CSMD1: variants seen among roughly 807,000 people sequenced by gnomAD.
CSMD1 encodes CUB and Sushi multiple domains 1.
A neutral mutation model predicts 417.5 loss-of-function variants in CSMD1; 213 were observed. The ratio of observed to expected loss-of-function variants is 0.51; its 90% CI spans 0.46 to 0.57. The LOEUF (loss-of-function observed/expected upper bound fraction) is 0.57. CSMD1 is among the 20% of genes least tolerant of loss of function. The pLI, the probability that CSMD1 is intolerant of heterozygous loss-of-function variation, is 0.00. For synonymous variants in CSMD1, 2,862 were observed against 1,736.8 expected, an observed-to-expected ratio of 1.65 and a Z score of -16.11; for missense variants, 6,923 against 4,529.7, an observed-to-expected ratio of 1.53 and a Z score of -15.17.
intron 5 of CSMD1, among the ~76,000 whole-genome samples, chr8:3,813,952 G>A (rs566140116): frequency 2.0e-4 from 30 of 152,170 alleles, no homozygotes; most frequent in African/African-American, 7.2e-4. Flanking sequence ...TCTGAGAAAT[G>A]TAAGACCCTG....
At chr8:3,242,655 A>G (rs925736270) in intron 26 of CSMD1, among the ~76,000 whole-genome samples, 1 of 151,982 alleles carries the variant, frequency 6.6e-6, no homozygotes, top group Non-Finnish European at 1.5e-5. Context: ...TTAGGTTTTT[A>G]AGAACACAGG....
chr8:3,874,894 C>G (rs912006383), intron 5 of CSMD1, among the ~76,000 whole-genome samples: 1 of 152,082 alleles, frequency 6.6e-6, no homozygotes, highest in Non-Finnish European at 1.5e-5. Context: ...TGCGATGCTG[C>G]GCACCAGTGA....
intron 5 of CSMD1, among the ~76,000 whole-genome samples, chr8:3,886,745 C>T (rs999290418): frequency 1.2e-4 from 19 of 152,232 alleles, no homozygotes; most frequent in African/African-American, 4.6e-4. Context: ...GTCATCAGCC[C>T]TATTCTCTGC....
intron 30 of CSMD1, among the ~76,000 whole-genome samples, chr8:3,211,706 G>A (rs570633827): frequency 3.9e-5 from 6 of 152,270 alleles, no homozygotes; most frequent in African/African-American, 1.2e-4. Flanking sequence ...TCTGCAGGGC[G>A]CACCTTTCAG....
At chr8:4,042,951 A>G (rs1485313803) in intron 3 of CSMD1, among the ~76,000 whole-genome samples, 1 of 150,988 alleles carries the variant, frequency 6.6e-6, no homozygotes, top group Non-Finnish European at 1.5e-5. Flanking sequence ...GAGAGCAAAA[A>G]CCCACCTCTA....
chr8:2,962,397 A>G (rs556664436), intron 61 of CSMD1, 69 bp downstream of exon 61: 27 of 1,396,038 alleles, frequency 1.9e-5, no homozygotes, highest in South Asian at 1.3e-4. Context: ...AAATGACCCA[A>G]TTTCGGAATG....
At chr8:4,353,470 T>C (rs944863323) in intron 3 of CSMD1, among the ~76,000 whole-genome samples, 1 of 152,072 alleles carries the variant, frequency 6.6e-6, no homozygotes, top group Admixed American at 6.6e-5. Context: ...GAGAAAAGAA[T>C]AATACATTCT....
At chr8:4,449,496 G>A (rs990536105) in intron 2 of CSMD1, among the ~76,000 whole-genome samples, 2 of 152,148 alleles carry the variant, frequency 1.3e-5, no homozygotes, top group African/African-American at 4.8e-5. Context: ...GTAATATGAA[G>A]TTACTTGTCA....
chr8:4,417,103 G>C (rs1000783635), intron 3 of CSMD1, among the ~76,000 whole-genome samples: 9 of 152,000 alleles, frequency 5.9e-5, no homozygotes, highest in Non-Finnish European at 1.3e-4. Context: ...CAGTTAAAAT[G>C]TGTTAATTTG....
intron 5 of CSMD1, among the ~76,000 whole-genome samples, chr8:3,866,875 G>C (rs1585113046): frequency 6.6e-6 from 1 of 152,134 alleles, no homozygotes; most frequent in Admixed American, 6.5e-5. Flanking sequence ...CAGTTCTGCT[G>C]CAAATCCTCC....
At chr8:3,708,326 G>C (rs1801296102) in intron 7 of CSMD1, 88 bp downstream of exon 7, 1 of 1,015,810 alleles carries the variant, frequency 9.8e-7, no homozygotes, top group African/African-American at 1.6e-5. Flanking sequence ...TGGGGAAGGT[G>C]GTGGGTGGGA....
chr8:3,093,185 T>A (rs1264476576), intron 47 of CSMD1, among the ~76,000 whole-genome samples: 1 of 152,110 alleles, frequency 6.6e-6, no homozygotes, highest in East Asian at 1.9e-4. Flanking sequence ...TAACTAAGGT[T>A]AAACGAGGTA....
chr8:4,808,680 T>C (rs1051707019), intron 1 of CSMD1, among the ~76,000 whole-genome samples: 7 of 152,200 alleles, frequency 4.6e-5, no homozygotes, highest in South Asian at 2.1e-4. Flanking sequence ...ATTTAGAACA[T>C]ACTGGTTTAA....
intron 5 of CSMD1, among the ~76,000 whole-genome samples, chr8:3,810,042 C>G (rs1009205338): frequency 4.6e-5 from 7 of 152,152 alleles, no homozygotes; most frequent in African/African-American, 1.7e-4. Context: ...GTCTGTAGTC[C>G]TCTGTCACAC....
chr8:3,930,874 C>T (rs1259783305), intron 5 of CSMD1, among the ~76,000 whole-genome samples: 1 of 150,578 alleles, frequency 6.6e-6, no homozygotes. Context: ...ACATTTTAGT[C>T]TAGTTTTAAA....
At chr8:3,099,363 C>T (rs1042939305) in intron 46 of CSMD1, among the ~76,000 whole-genome samples, 3 of 152,116 alleles carry the variant, frequency 2.0e-5, no homozygotes, top group Non-Finnish European at 4.4e-5. Context: ...CCCATATAAA[C>T]CCCTCATTTT....
chr8:4,623,326 G>T (rs1195018438), intron 2 of CSMD1, among the ~76,000 whole-genome samples: 1 of 152,052 alleles, frequency 6.6e-6, no homozygotes, highest in Non-Finnish European at 1.5e-5. Context: ...AAACTAAAAA[G>T]GCTGAGTACA....
chr8:4,483,013 T>C (rs1801181433), intron 2 of CSMD1, among the ~76,000 whole-genome samples: 1 of 152,122 alleles, frequency 6.6e-6, no homozygotes, highest in Non-Finnish European at 1.5e-5. Flanking sequence ...AATTGATTGG[T>C]TTGGCTCTGC....
intron 5 of CSMD1, among the ~76,000 whole-genome samples, chr8:3,870,447 G>T (rs540224634): frequency 3.9e-5 from 6 of 152,002 alleles, no homozygotes; most frequent in Admixed American, 3.9e-4. Flanking sequence ...TTACATGTTG[G>T]TGGGTATTTC....
Sources: gnomAD v4.1 joint callset for allele counts (sites outside exome capture counted in the v4.1 genomes callset) on GRCh38, gnomAD v4.1.1 for gene constraint, MANE v1.5 for transcripts, NCBI Gene and HGNC (gene_info 2026-07-23, HGNC 2026-07-21) for gene names.